Variants in SAMD14 observed in about 807,000 individuals in gnomAD.
SAMD14 encodes sterile alpha motif domain-containing protein 14.
A neutral mutation model predicts 46.2 loss-of-function variants in SAMD14; 27 were observed. The observed-to-expected ratio is 0.58, with a 90% CI of 0.43 to 0.81. SAMD14 has a LOEUF of 0.81. Ranked by LOEUF, SAMD14 falls within the 30% of genes least tolerant of loss-of-function variation. The pLI, the probability that SAMD14 is intolerant of heterozygous loss-of-function variation, is 0.00. For missense variants in SAMD14, 559 were observed against 582.2 expected (o/e 0.96, Z 0.41); for synonymous variants, 241 against 254.3 (o/e 0.95, Z 0.50).
chr17:50,116,233 G>A, intron 4 of SAMD14, 143 bp from the exon 5 acceptor site: 1 of 1,319,610 alleles, frequency 7.6e-7, no homozygotes, highest in African/African-American at 1.5e-5. Flanking sequence ...GGTGTCCTAG[G>A]ATAAGCCACT....
intron 2 of SAMD14, among the ~76,000 whole-genome samples, 176 bp from the exon 3 acceptor site, chr17:50,118,503 C>T (rs1253462831): frequency 6.6e-6 from 1 of 152,134 alleles, no homozygotes; most frequent in African/African-American, 2.4e-5. Context: ...TGGGAGTGGG[C>T]GGGTGTGCAG....
At chr17:50,121,227 A>T (rs781213948) in intron 2 of SAMD14, among the ~76,000 whole-genome samples, 11 of 145,516 alleles carry the variant, frequency 7.6e-5, no homozygotes, top group Non-Finnish European at 1.5e-4. Context: ...ACCCCAAAAC[A>T]TGCAACTATC....
At chr17:50,128,010 C>G (rs890298224) in intron 1 of SAMD14, among the ~76,000 whole-genome samples, 6 of 152,168 alleles carry the variant, frequency 3.9e-5, no homozygotes, top group East Asian at 1.9e-4. Context: ...ATCTCCCCCC[C>G]ACCAATCAGA....
intron 1 of SAMD14, 41 bp from the exon 2 acceptor site, chr17:50,125,012 G>T: frequency 6.3e-7 from 1 of 1,588,632 alleles, no homozygotes; most frequent in Non-Finnish European, 8.6e-7. Context: ...AAGAGAGCCT[G>T]GGTTAGAGAT....
chr17:50,112,822 TC>T lies in SAMD14; in HGVS notation c.*70del. On this transcript the variant is annotated 3_prime_UTR_variant, in exon 10 of 10. Coordinates refer to ENST00000330175, the MANE Select transcript of SAMD14 (RefSeq NM_001257359.2). The stretch of plus-strand genomic sequence containing the variant: ...CCAAGTGCAGCGCCCAGGTCCAGCC[TC>T]CCTGGTGAGGCCTGTGCCCGCGGAG... 6.5e-7 allele frequency: 1 copy of T among 1,531,598 alleles called. No homozygotes were observed. Among genetic ancestry groups the T allele is most frequent in the Admixed American group, 1.9e-5 (1 of 52,012 alleles). 94.9% of individuals were successfully genotyped at this position (1,531,598 alleles called of 1,614,324 possible).
Position 50,117,456 on chromosome 17 carries a change from G to C in SAMD14, c.450C>G (p.Ser150Arg). ...SPPRSAPSSD[S>R]SPSFVRRHPR... ...GGTGGCGGCGCACGAAGCTGGGGGA[G>C]CTGTCGGAGGAGGGCGCGGAGCGCG... The change falls in exon 4 of 10, where the codon AGC (serine) becomes AGG (arginine). Residue 150 changes from serine to arginine, a missense_variant. Transcript: ENST00000330175. 1 of 1,376,040 alleles carries C rather than the reference G, an allele frequency of 7.3e-7. No homozygotes were observed. The highest frequency in any genetic ancestry group is 1.5e-5 in the African/African-American group (1 of 66,350). The allele number at this position is 1,376,040 out of a possible 1,614,324, so 85.2% of individuals were successfully genotyped here.
At chr17:50,116,967 C>T (rs1357619861) in intron 4 of SAMD14, among the ~76,000 whole-genome samples, 2 of 152,130 alleles carry the variant, frequency 1.3e-5, no homozygotes, top group African/African-American at 2.4e-5. Context: ...GCTATCCTCC[C>T]GCCTCAGCCT....
intron 2 of SAMD14, among the ~76,000 whole-genome samples, chr17:50,120,542 A>G (rs1032235846): frequency 1.3e-5 from 2 of 152,210 alleles, no homozygotes; most frequent in African/African-American, 4.8e-5. Flanking sequence ...CAAACGTGTC[A>G]GTTTATATCA....
chr17:50,124,937 T>C lies in SAMD14; in HGVS notation c.23A>G (p.Glu8Gly). 1 of 1,613,982 alleles carries C rather than the reference T, an allele frequency of 6.2e-7. No individual in the cohort carries two copies. The highest frequency in any genetic ancestry group is 8.5e-7 in the Non-Finnish European group (1 of 1,179,992). The change falls in exon 2 of 10, where the codon GAA (glutamate) becomes GGA (glycine). Residue 8 changes from glutamate to glycine, a missense_variant. Transcript: ENST00000330175. MASSKLR[E>G]PVDEVFDLDL... ...CTTACCAAAAACTTCATCCACGGGT[T>C]CTCGGAGCTTTGAAGAAGCCATGAC...
chr17:50,124,765 GCGCGCGCACACACA>G (rs1276374908), intron 2 of SAMD14, 138 bp downstream of exon 2: 1 of 620,252 alleles, frequency 1.6e-6, no homozygotes, highest in African/African-American at 2.1e-5. Context: ...GCGTGCACGC[GCGCGCGCACACACA>G]CACACACACA....
In SAMD14 at chr17:50,118,263, T is replaced by C. The variant is rs746627130; in HGVS notation, c.108A>G (p.Gln36=). Residue 36 remains glutamine, a synonymous_variant, in exon 3 of 10, where the codon CAA becomes CAG. Coordinates refer to ENST00000330175, the MANE Select transcript of SAMD14 (RefSeq NM_001257359.2). ...GGTGTCTCCGGCCCTTGGCCAACAGTTGGGCCCGGGCCTTGTGTAAACTGC... is the reference window on the plus strand; with the variant it reads ...GGTGTCTCCGGCCCTTGGCCAACAGCTGGGCCCGGGCCTTGTGTAAACTGC... ...LDSSLHKARA[Q]LLAKGRRHRP... The C allele has an allele frequency of 1.1e-5, 18 of 1,613,774 alleles. No homozygotes were observed. Among genetic ancestry groups the C allele is most frequent in the Non-Finnish European group, 1.4e-5 (17 of 1,179,972 alleles).
At chr17:50,128,480 T>TCACA (rs1407906525) in intron 1 of SAMD14, among the ~76,000 whole-genome samples, 1 of 88,834 alleles carries the variant, frequency 1.1e-5, no homozygotes, top group East Asian at 2.8e-4. Context: ...CCGCACACTC[T>TCACA]CTCACACACA....
intron 4 of SAMD14, among the ~76,000 whole-genome samples, chr17:50,116,767 T>C (rs944161353): frequency 7.9e-5 from 12 of 152,150 alleles, no homozygotes; most frequent in Non-Finnish European, 1.3e-4. Context: ...TCCAGGATGT[T>C]CCTAGCCAGG....
Position 50,110,180 on chromosome 17 carries a change from G to A in SAMD14, c.*2713C>T. The stretch of plus-strand genomic sequence containing the variant: ...GTGGTGCCCCTCACCATCCTCCTGG[G>A]GGAGCAGGGGGTGGGTTCTCCCTGA... On this transcript the variant is annotated 3_prime_UTR_variant, in exon 10 of 10. Transcript: ENST00000330175. 7.0e-7 allele frequency: 1 copy of A among 1,420,962 alleles called. No individual in the cohort carries two copies. Among genetic ancestry groups the A allele is most frequent in the Middle Eastern group, 2.5e-4 (1 of 3,926 alleles). 88.0% of individuals were successfully genotyped at this position (1,420,962 alleles called of 1,614,324 possible). A position where few individuals can be genotyped will look rare whatever the true frequency, so the allele number is the denominator to read the frequency against.
At chr17:50,127,896 C>A (rs1185476355) in intron 1 of SAMD14, among the ~76,000 whole-genome samples, 1 of 152,182 alleles carries the variant, frequency 6.6e-6, no homozygotes, top group African/African-American at 2.4e-5. Flanking sequence ...TCCTAGGTAG[C>A]CCTCCCTCCT....
At position 50,129,510 on chromosome 17, in the gene SAMD14, C is replaced by T. The variant is rs1911936235; in HGVS notation, c.-13+7G>A. ...CCCGGTCCACCCCAGGGCGCCCGGC[C>T]CCTCACCTCCGGCATCGGTCATCTT... On this transcript the variant is annotated splice_region_variant and intron_variant, in intron 1 of 9. Coordinates refer to ENST00000330175, the MANE Select transcript of SAMD14 (RefSeq NM_001257359.2). This position sits in a 1 kb window ranked among gnomAD's most constrained non-coding sequence, Gnocchi z 5.6. 6.6e-6 allele frequency: 1 copy of T among 152,458 alleles called. No homozygotes were observed. The highest frequency in any genetic ancestry group is 1.5e-5 in the Non-Finnish European group (1 of 68,262). 9.4% of individuals were successfully genotyped at this position (152,458 alleles called of 1,614,324 possible). A position where few individuals can be genotyped will look rare whatever the true frequency, so the allele number is the denominator to read the frequency against.
rs1910775875 is a variant in SAMD14 at position 50,110,569 on chromosome 17, G to A, written c.*2324C>T. 6.5e-6 allele frequency: 1 copy of A among 152,854 alleles called. No individual in the cohort carries two copies. Among genetic ancestry groups the A allele is most frequent in the African/African-American group, 2.4e-5 (1 of 41,464 alleles). 9.5% of individuals were successfully genotyped at this position (152,854 alleles called of 1,614,324 possible). On this transcript the variant is annotated 3_prime_UTR_variant, in exon 10 of 10. Transcript: ENST00000330175. ...TGGGTGCCCTCCAGACCTGGGGACT[G>A]AGTGGGGAAAGGAGTTACACCCGTG...
rs1479596717 is a variant in SAMD14 at position 50,111,388 on chromosome 17, CTA to C, written c.*1503_*1504del. The C allele has an allele frequency of 1.3e-5, 2 of 152,294 alleles. No individual in the cohort carries two copies. 9.4% of individuals were successfully genotyped at this position (152,294 alleles called of 1,614,324 possible). A position where few individuals can be genotyped will look rare whatever the true frequency, so the allele number is the denominator to read the frequency against. ...CCCTTCACATGCAGGTGGGCACCCA[CTA>C]TAGCTACTGATGGCTTTAAGGATGT... On this transcript the variant is annotated 3_prime_UTR_variant, in exon 10 of 10. Coordinates refer to ENST00000330175, the MANE Select transcript of SAMD14 (RefSeq NM_001257359.2).
chr17:50,125,314 C>G (rs1038593895), intron 1 of SAMD14: 5 of 255,214 alleles, frequency 2.0e-5, no homozygotes, highest in Admixed American at 5.0e-5. Context: ...GCCTTCGCAT[C>G]ATTAGCATCC....
Sources: gnomAD v4.1 joint callset for allele counts (sites outside exome capture counted in the v4.1 genomes callset) on GRCh38, gnomAD v4.1.1 for gene constraint, Gnocchi (gnomAD v3.1) non-coding constraint, MANE v1.5 for transcripts, NCBI Gene and HGNC (gene_info 2026-07-23, HGNC 2026-07-21) for gene names.